The following COL19A1 variants were observed in gnomAD, a reference collection of about 807,000 sequenced individuals.
The protein encoded by COL19A1 is collagen alpha-1(XIX) chain.
COL19A1 carries 159 observed loss-of-function variants against 190.2 expected under a neutral mutation model. That is an observed-to-expected ratio of 0.84 (90% CI 0.73 to 0.95). The LOEUF is 0.95. COL19A1 is among the 40% of genes least tolerant of loss of function. The pLI is 0.00. For synonymous variants in COL19A1, 509 were observed against 458.9 expected, an observed-to-expected ratio of 1.11 and a Z score of -1.39; for missense variants, 1,418 against 1,431.9, an observed-to-expected ratio of 0.99 and a Z score of 0.16.
chr6:70,028,460 C>G (rs1778846322), intron 12 of COL19A1, among the ~76,000 whole-genome samples: 1 of 152,144 alleles, frequency 6.6e-6, no homozygotes, highest in Non-Finnish European at 1.5e-5. Flanking sequence ...AAGAGTCTGT[C>G]TGGGCATCGT....
intron 49 of COL19A1, among the ~76,000 whole-genome samples, chr6:70,205,393 G>C (rs1407192797): frequency 6.6e-6 from 1 of 152,120 alleles, no homozygotes; most frequent in East Asian, 1.9e-4. Context: ...CATACATACT[G>C]TTCATAGGGA....
chr6:69,945,235 G>A (rs1402585812), intron 9 of COL19A1, among the ~76,000 whole-genome samples: 1 of 151,918 alleles, frequency 6.6e-6, no homozygotes, highest in East Asian at 1.9e-4. Context: ...TGAAATGATT[G>A]CTTTGCTGAT....
chr6:70,021,772 G>A (rs576422796), intron 11 of COL19A1, among the ~76,000 whole-genome samples: 47 of 152,268 alleles, frequency 3.1e-4, no homozygotes, highest in Non-Finnish European at 4.7e-4. Flanking sequence ...CAACTGAACT[G>A]AGGAACTGAA....
chr6:70,117,669 A>G (rs1404981493), intron 16 of COL19A1, among the ~76,000 whole-genome samples: 5 of 152,186 alleles, frequency 3.3e-5, no homozygotes, highest in Non-Finnish European at 7.4e-5. Context: ...TAGGTTCAGA[A>G]CAGTTGTTTC....
chr6:70,051,174 T>C (rs577673934), intron 14 of COL19A1, among the ~76,000 whole-genome samples: 1 of 152,200 alleles, frequency 6.6e-6, no homozygotes, highest in East Asian at 1.9e-4. Flanking sequence ...TTTCCTTAAA[T>C]CCCCTCTATT....
chr6:70,144,091 T>A, intron 23 of COL19A1, 119 bp from the exon 24 acceptor site: 1 of 768,010 alleles, frequency 1.3e-6, no homozygotes, highest in Non-Finnish European at 2.0e-6. Context: ...ATCCAACTCC[T>A]TCTATTAATA....
chr6:70,136,415 G>A (rs774023485), intron 18 of COL19A1, among the ~76,000 whole-genome samples: 1 of 152,088 alleles, frequency 6.6e-6, no homozygotes, highest in Non-Finnish European at 1.5e-5. Flanking sequence ...TGAGATAAAC[G>A]CTGGTTTATT....
At chr6:69,880,142 A>C (rs1017850721) in intron 2 of COL19A1, among the ~76,000 whole-genome samples, 1 of 152,252 alleles carries the variant, frequency 6.6e-6, no homozygotes, top group Non-Finnish European at 1.5e-5. Flanking sequence ...AGGTTGACAG[A>C]TCTTTAGAGC....
At chr6:69,969,710 G>A (rs6918585) in intron 11 of COL19A1, among the ~76,000 whole-genome samples, 11,458 of 151,954 alleles carry the variant, frequency 0.075, 1,384 homozygotes, top group African/African-American at 0.25. Context: ...TTTTTATAAG[G>A]GACTTGAGCA....
intron 1 of COL19A1, among the ~76,000 whole-genome samples, chr6:69,873,067 A>C (rs1767932770): frequency 6.6e-6 from 1 of 152,162 alleles, no homozygotes; most frequent in African/African-American, 2.4e-5. Flanking sequence ...TGCGGATATA[A>C]TACCTGTCTT....
chr6:70,109,701 G>A (rs1170954712), intron 16 of COL19A1, among the ~76,000 whole-genome samples: 1 of 151,992 alleles, frequency 6.6e-6, no homozygotes, highest in East Asian at 1.9e-4. Context: ...AGTGGACGGG[G>A]AATAGGCTTG....
chr6:70,195,686 G>A (rs1469178213), intron 48 of COL19A1, among the ~76,000 whole-genome samples: 1 of 152,182 alleles, frequency 6.6e-6, no homozygotes, highest in Non-Finnish European at 1.5e-5. Context: ...CTTTCAATCA[G>A]TGCTCCTTAT....
chr6:69,880,451 C>T (rs1027781690), intron 2 of COL19A1, among the ~76,000 whole-genome samples: 2 of 152,258 alleles, frequency 1.3e-5, no homozygotes, highest in Admixed American at 6.5e-5. Flanking sequence ...TGATGATAAT[C>T]ACATATGATT....
chr6:70,165,843 G>T, intron 36 of COL19A1, 98 bp from the exon 37 acceptor site: 1 of 1,109,150 alleles, frequency 9.0e-7, no homozygotes, highest in South Asian at 1.3e-5. Flanking sequence ...AAGTCATATC[G>T]ATTTCAGAAG....
chr6:69,987,688 C>T (rs1776387192), intron 11 of COL19A1, among the ~76,000 whole-genome samples: 1 of 152,176 alleles, frequency 6.6e-6, no homozygotes, highest in South Asian at 2.1e-4. Context: ...AACAAAATAC[C>T]TCCCAGCTGT....
intron 18 of COL19A1, among the ~76,000 whole-genome samples, chr6:70,131,464 T>C (rs2150223964): frequency 6.6e-6 from 1 of 152,298 alleles, no homozygotes; most frequent in African/African-American, 2.4e-5. Flanking sequence ...AATTTTCTGC[T>C]AAATAAATAA....
At chr6:70,059,351 C>G (rs142433464) in intron 14 of COL19A1, among the ~76,000 whole-genome samples, 3 of 152,254 alleles carry the variant, frequency 2.0e-5, no homozygotes, top group African/African-American at 4.8e-5. Flanking sequence ...TATCTTGCCT[C>G]TTTTCACAAA....
chr6:70,115,810 G>T (rs1052187146), intron 16 of COL19A1, among the ~76,000 whole-genome samples: 49 of 118,308 alleles, frequency 4.1e-4, no homozygotes, highest in South Asian at 1.1e-3. Flanking sequence ...TTTTTGTTTT[G>T]TTTTTTGGTG....
Position 70,165,956 on chromosome 6 carries a change from CCTGGGAAACCCG to C in COL19A1, c.2417_2428del (p.Pro806_Gly810delinsArg), listed in dbSNP as rs756955029. On this transcript the variant is annotated inframe_deletion, in exon 37 of 51. Transcript: ENST00000620364. ...TCCCTTGCAGGGCAGCGACGGACCC[CCTGGGAAACCCG>C]GACCACCTGGACCACCTGTGAGTTG... 1 of 1,613,982 alleles carries C rather than the reference CCTGGGAAACCCG, an allele frequency of 6.2e-7. No homozygotes were observed. The highest frequency in any genetic ancestry group is 2.2e-5 in the East Asian group (1 of 44,890).
Sources: gnomAD v4.1 joint callset for allele counts (sites outside exome capture counted in the v4.1 genomes callset) on GRCh38, gnomAD v4.1.1 for gene constraint, MANE v1.5 for transcripts, NCBI Gene and HGNC (gene_info 2026-07-23, HGNC 2026-07-21) for gene names.